Variants in MAGI2 observed in about 807,000 individuals in gnomAD.
MAGI2 encodes the protein membrane-associated guanylate kinase, WW and PDZ domain-containing protein 2.
In MAGI2, 35 loss-of-function variants were observed where a neutral mutation model predicts 133.3. That is an observed-to-expected ratio of 0.26 (90% CI 0.20 to 0.35). The LOEUF (loss-of-function observed/expected upper bound fraction) is 0.35. MAGI2 is among the 10% of genes least tolerant of loss of function. The pLI, the probability that MAGI2 is intolerant of heterozygous loss-of-function variation, is 1.00. For synonymous variants in MAGI2, 729 were observed against 710.6 expected (o/e 1.03, Z -0.41); for missense variants, 1,636 against 1,863.4 (o/e 0.88, Z 2.25).
intron 6 of MAGI2, among the ~76,000 whole-genome samples, chr7:78,381,821 C>T (rs1487108564): frequency 1.3e-5 from 2 of 152,170 alleles, no homozygotes; most frequent in African/African-American, 4.8e-5. Context: ...TGTGGGGAAA[C>T]TGTCCCCTCA....
intron 2 of MAGI2, among the ~76,000 whole-genome samples, chr7:78,728,545 T>TATATCTGAAAAAATGATTCATCTTCCTC (rs1483845832): frequency 8.2e-4 from 3 of 3,678 alleles, no homozygotes; most frequent in Non-Finnish European, 1.2e-3. Flanking sequence ...CTGATCTTTT[T>TATATCTGAAAAAATGATTCATCTTCCTC]TTTTTTTTTT....
chr7:78,785,748 G>A (rs1826765038), intron 2 of MAGI2, among the ~76,000 whole-genome samples: 1 of 152,114 alleles, frequency 6.6e-6, no homozygotes, highest in Non-Finnish European at 1.5e-5. Context: ...GTGAAAAGTT[G>A]GACAAGATAT....
chr7:78,163,495 A>G lies in MAGI2; in HGVS notation c.2597-3222T>C, dbSNP rs190013807. On this transcript the variant is annotated intron_variant, in intron 15 of 21. Transcript: ENST00000354212. ...GTCTCCACCAGTCACAGTGGAACTCATCACTGTGCTAAGAGAGGGTCTCCC... is the reference window on the plus strand; with the variant it reads ...GTCTCCACCAGTCACAGTGGAACTCGTCACTGTGCTAAGAGAGGGTCTCCC... 3.9e-5 allele frequency among the ~76,000 whole-genome samples: 6 copies of G among 152,252 alleles called. No homozygotes were observed. In the East Asian group the frequency reaches 9.7e-4, roughly 24 times the overall value.
intron 6 of MAGI2, among the ~76,000 whole-genome samples, chr7:78,435,313 C>T (rs916057938): frequency 6.6e-6 from 1 of 152,108 alleles, no homozygotes; most frequent in African/African-American, 2.4e-5. Context: ...CTCCCCCACA[C>T]CTTGAAATTA....
At chr7:78,107,146 TTGAAA>T (rs1818774635) in intron 20 of MAGI2, among the ~76,000 whole-genome samples, 1 of 152,174 alleles carries the variant, frequency 6.6e-6, no homozygotes. Context: ...GGCACCTTTC[TTGAAA>T]TGAATTCCCT....
chr7:78,528,250 T>C (rs1797151704), intron 3 of MAGI2, among the ~76,000 whole-genome samples: 1 of 152,148 alleles, frequency 6.6e-6, no homozygotes, highest in African/African-American at 2.4e-5. Context: ...CCTGCAAAAA[T>C]TGACTCTGAC....
chr7:78,332,634 C>T (rs1378627818), intron 9 of MAGI2, among the ~76,000 whole-genome samples: 1 of 148,680 alleles, frequency 6.7e-6, no homozygotes, highest in Middle Eastern at 3.3e-3. Context: ...GGAGGCAGAG[C>T]TTGCAGTGAG....
intron 3 of MAGI2, among the ~76,000 whole-genome samples, chr7:78,591,225 T>C (rs1803968384): frequency 1.3e-5 from 2 of 152,220 alleles, no homozygotes; most frequent in African/African-American, 2.4e-5. Context: ...CCAGCAATTC[T>C]ATTTCAAGAA....
intron 2 of MAGI2, among the ~76,000 whole-genome samples, chr7:78,860,426 G>T (rs1296923003): frequency 6.6e-6 from 1 of 152,134 alleles, no homozygotes; most frequent in Non-Finnish European, 1.5e-5. Flanking sequence ...GGGTTTTGGT[G>T]TGGATGTCCT....
At position 79,170,031 on chromosome 7, in the gene MAGI2, G is replaced by T. The variant is rs76019236; in HGVS notation, c.302-162825C>A. 8.4e-3 allele frequency among the ~76,000 whole-genome samples: 1,258 copies of T among 150,128 alleles called. 15 individuals carry two copies. The highest frequency in any genetic ancestry group is 0.029 in the African/African-American group (1,199 of 40,876). ...TTTGGAAGACAAATAACTGAAATAG[G>T]ACTATATTTTACACAAAATCCAGAT... On this transcript the variant is annotated intron_variant, in intron 1 of 21. Coordinates refer to ENST00000354212, the MANE Select transcript of MAGI2 (RefSeq NM_012301.4).
At chr7:79,084,946 C>T (rs560101089) in intron 1 of MAGI2, among the ~76,000 whole-genome samples, 3 of 151,754 alleles carry the variant, frequency 2.0e-5, no homozygotes, top group East Asian at 1.9e-4. Context: ...TTGATGTTAT[C>T]GAGAACTCAC....
intron 3 of MAGI2, among the ~76,000 whole-genome samples, chr7:78,600,399 T>C (rs1331780920): frequency 6.6e-6 from 1 of 152,118 alleles, no homozygotes; most frequent in Non-Finnish European, 1.5e-5. Context: ...AAAAAAGGTT[T>C]AAAATATAGA....
chr7:79,422,755 A>C (rs575231357), intron 1 of MAGI2, among the ~76,000 whole-genome samples: 1 of 152,190 alleles, frequency 6.6e-6, no homozygotes, highest in South Asian at 2.1e-4. Flanking sequence ...CCCAGTGTGC[A>C]AAAACACAGC....
rs548767682 is a variant in MAGI2, at chr7:78,170,797, T to C, written c.2404-2689A>G. ...TTCACTATAACACAAGTATAAATTA[T>C]ATAGTATTACATAATTATTATATGT... On this transcript the variant is annotated intron_variant, in intron 14 of 21. Transcript: ENST00000354212. 11 of 151,526 alleles carry C rather than the reference T, an allele frequency of 7.3e-5. No homozygotes were observed. In the East Asian group the frequency reaches 1.9e-3, roughly 27 times the overall value. The allele number at this position is 151,526 out of a possible 1,614,324, so 9.4% of individuals were successfully genotyped here. A position where few individuals can be genotyped will look rare whatever the true frequency, so the allele number is the denominator to read the frequency against.
chr7:78,870,288 A>G (rs1427733694), intron 2 of MAGI2, among the ~76,000 whole-genome samples: 1 of 150,970 alleles, frequency 6.6e-6, no homozygotes, highest in Non-Finnish European at 1.5e-5. Context: ...TTGAGGCTGC[A>G]GTCAGTTGAG....
chr7:79,378,279 T>C (rs571829751), intron 1 of MAGI2, among the ~76,000 whole-genome samples: 2 of 152,004 alleles, frequency 1.3e-5, no homozygotes, highest in African/African-American at 4.8e-5. Flanking sequence ...CAAGGACTTA[T>C]ATAACACTAA....
intron 9 of MAGI2, among the ~76,000 whole-genome samples, chr7:78,291,103 G>A (rs1266342060): frequency 1.3e-5 from 2 of 152,146 alleles, no homozygotes; most frequent in Non-Finnish European, 1.5e-5. Flanking sequence ...GAAGAAAATA[G>A]AGACACAAAA....
At chr7:78,374,459 A>G (rs530478341) in intron 6 of MAGI2, among the ~76,000 whole-genome samples, 2 of 152,102 alleles carry the variant, frequency 1.3e-5, no homozygotes, top group East Asian at 3.9e-4. Flanking sequence ...TGGGTATTAG[A>G]TTTTTGTCAG....
chr7:78,065,594 A>G lies in MAGI2; in HGVS notation c.3706+13353T>C. The stretch of plus-strand genomic sequence containing the variant: ...CAAACCGTGTCTTTAGGGTGGCCCA[A>G]TAAGTAGAAATATGGGGACCCATGC... On this transcript the variant is annotated intron_variant, in intron 21 of 21. Coordinates refer to ENST00000354212, the MANE Select transcript of MAGI2 (RefSeq NM_012301.4). 4.3e-6 allele frequency: 3 copies of G among 696,966 alleles called. No individual in the cohort carries two copies. The Middle Eastern group carries it at 6.9e-4, about 161-fold the overall frequency. The allele number at this position is 696,966 out of a possible 1,614,324, so 43.2% of individuals were successfully genotyped here.
Sources: allele counts gnomAD v4.1 joint callset (sites outside exome capture counted in the v4.1 genomes callset), GRCh38; gene constraint gnomAD v4.1.1; transcripts MANE v1.5; gene names NCBI Gene and HGNC (gene_info 2026-07-23, HGNC 2026-07-21).